DLEU7: variants seen among roughly 807,000 people sequenced by gnomAD.
DLEU7 encodes leukemia-associated protein 7.
In DLEU7, 17 loss-of-function variants were observed where a neutral mutation model predicts 16.0. The observed-to-expected ratio is 1.06, with a 90% CI of 0.73 to 1.59. DLEU7 has a LOEUF of 1.59. DLEU7 is among the 40% of genes most tolerant of loss of function. The pLI, the probability that DLEU7 is intolerant of heterozygous loss-of-function variation, is 0.00. For synonymous variants in DLEU7, 113 were observed against 139.8 expected, an observed-to-expected ratio of 0.81 and a Z score of 1.35; for missense variants, 308 against 314.9, an observed-to-expected ratio of 0.98 and a Z score of 0.17.
chr13:50,724,797 G>C (rs994541321), intron 1 of DLEU7, among the ~76,000 whole-genome samples: 3 of 152,138 alleles, frequency 2.0e-5, no homozygotes, highest in African/African-American at 7.2e-5. Flanking sequence ...CCAAACTGCA[G>C]GAGCAGCCAC....
chr13:50,781,645 T>C (rs939206435), intron 1 of DLEU7, among the ~76,000 whole-genome samples: 1 of 152,172 alleles, frequency 6.6e-6, no homozygotes, highest in Non-Finnish European at 1.5e-5. Context: ...CTCCTTATCA[T>C]CTGTGGCATA....
At chr13:50,826,240 G>A (rs1165181042) in intron 1 of DLEU7, among the ~76,000 whole-genome samples, 1 of 152,116 alleles carries the variant, frequency 6.6e-6, no homozygotes, top group African/African-American at 2.4e-5. Context: ...CCTACTGTGC[G>A]GTGTGGTTCC....
At chr13:50,752,051 T>C (rs934734132) in intron 1 of DLEU7, among the ~76,000 whole-genome samples, 6 of 110,556 alleles carry the variant, frequency 5.4e-5, no homozygotes, top group African/African-American at 3.1e-4. Flanking sequence ...GCTCTTTCAG[T>C]CTTTTTTTTT....
At chr13:50,799,602 C>T (rs1876194264) in intron 1 of DLEU7, among the ~76,000 whole-genome samples, 1 of 152,166 alleles carries the variant, frequency 6.6e-6, no homozygotes. Context: ...GTTTCCATTC[C>T]TAGTTGCTAC....
At chr13:50,836,926 A>C (rs769639449) in intron 1 of DLEU7, among the ~76,000 whole-genome samples, 1 of 152,218 alleles carries the variant, frequency 6.6e-6, no homozygotes, top group Non-Finnish European at 1.5e-5. Context: ...TGTGGAAAAC[A>C]TACTATCATG....
chr13:50,835,949 T>G (rs1310932517), intron 1 of DLEU7, among the ~76,000 whole-genome samples: 3 of 152,228 alleles, frequency 2.0e-5, no homozygotes, highest in African/African-American at 7.2e-5. Flanking sequence ...AAGCCTGTTT[T>G]CTGAAACCAA....
intron 1 of DLEU7, among the ~76,000 whole-genome samples, chr13:50,739,752 A>G (rs1010876687): frequency 6.6e-6 from 1 of 152,234 alleles, no homozygotes; most frequent in South Asian, 2.1e-4. Flanking sequence ...CACAACACCA[A>G]AGAGACCAAA....
At chr13:50,737,014 A>C (rs1268002061) in intron 1 of DLEU7, among the ~76,000 whole-genome samples, 1 of 152,186 alleles carries the variant, frequency 6.6e-6, no homozygotes, top group Non-Finnish European at 1.5e-5. Flanking sequence ...TTTTCCACGT[A>C]GTTTCACAGG....
At chr13:50,715,386 G>A (rs1873412753) in intron 1 of DLEU7, 3 of 152,276 alleles carry the variant, frequency 2.0e-5, no homozygotes, top group African/African-American at 7.2e-5. Context: ...GGACATCTTT[G>A]GTGGGGGCCT....
At chr13:50,806,232 T>C (rs956006239) in intron 1 of DLEU7, among the ~76,000 whole-genome samples, 4 of 152,190 alleles carry the variant, frequency 2.6e-5, no homozygotes, top group African/African-American at 7.2e-5. Flanking sequence ...GGTTGGTTTT[T>C]CTGAGATATG....
At chr13:50,799,942 G>A (rs551404242) in intron 1 of DLEU7, among the ~76,000 whole-genome samples, 1 of 152,214 alleles carries the variant, frequency 6.6e-6, no homozygotes, top group Non-Finnish European at 1.5e-5. Context: ...ACATATATGT[G>A]TGTAGACACT....
At position 50,742,858 on chromosome 13, in the gene DLEU7, C is replaced by A. The variant is rs144877896; in HGVS notation, c.460-29618G>T. ...AAACATAACTTACAAAAACAGGTGA[C>A]CCATGGGCTGAAGTTTGCTGACGTC... On this transcript the variant is annotated intron_variant, in intron 1 of 1. Coordinates refer to the DLEU7 transcript ENST00000400393. Among the ~76,000 whole-genome samples the A allele has an allele frequency of 4.4e-4, 67 of 152,208 alleles. No individual in the cohort carries two copies. The East Asian group carries it at 0.012, about 27-fold the overall frequency.
rs1876968075 is a variant in DLEU7, at chr13:50,823,168, C to G, written c.*146G>C. On this transcript the variant is annotated 3_prime_UTR_variant, in exon 2 of 2. Transcript: ENST00000504404. ...GCTATAATCCCGAAGGCTACAGATG[C>G]CACTGGTCAGACTGCTCCACGTACC... 11 of 1,438,592 alleles carry G rather than the reference C, an allele frequency of 7.6e-6. No individual in the cohort carries two copies. Among genetic ancestry groups the G allele is most frequent in the African/African-American group, 1.4e-5 (1 of 70,182 alleles). 89.1% of individuals were successfully genotyped at this position (1,438,592 alleles called of 1,614,324 possible).
intron 1 of DLEU7, chr13:50,808,462 A>G (rs959072377): frequency 6.6e-6 from 1 of 152,212 alleles, no homozygotes; most frequent in African/African-American, 2.4e-5. Context: ...TTCTAGAAGA[A>G]ATGTACTTGA....
Position 50,843,098 on chromosome 13 carries a change from C to T in DLEU7, c.459+90G>A. ...GTGGGCAGCAGTGTTTGGGATCCTG[C>T]GATCCACCCATCGCCATCCCAGCAG... On this transcript the variant is annotated intron_variant, in intron 1 of 1. Coordinates refer to ENST00000504404, the MANE Select transcript of DLEU7 (RefSeq NM_001306135.2). This position sits in a 1 kb window ranked among gnomAD's most constrained non-coding sequence, Gnocchi z 5.7. 2.4e-6 allele frequency: 3 copies of T among 1,255,180 alleles called. No homozygotes were observed. The highest frequency in any genetic ancestry group is 3.2e-6 in the Non-Finnish European group (3 of 932,380). 77.8% of individuals were successfully genotyped at this position (1,255,180 alleles called of 1,614,324 possible). A position where few individuals can be genotyped will look rare whatever the true frequency, so the allele number is the denominator to read the frequency against.
intron 1 of DLEU7, among the ~76,000 whole-genome samples, chr13:50,777,520 C>T (rs1014222176): frequency 6.6e-6 from 1 of 152,136 alleles, no homozygotes; most frequent in Admixed American, 6.5e-5. Context: ...TTGTAGACAG[C>T]CTGTTGTGGA....
At chr13:50,714,187 C>T (rs141425993) in intron 1 of DLEU7, among the ~76,000 whole-genome samples, 329 of 152,316 alleles carry the variant, frequency 2.2e-3, no homozygotes, top group African/African-American at 7.5e-3. Flanking sequence ...AACACAAACT[C>T]CCTTCTCACC....
intron 1 of DLEU7, among the ~76,000 whole-genome samples, chr13:50,714,649 G>A (rs1873389037): frequency 6.6e-6 from 1 of 152,052 alleles, no homozygotes; most frequent in Non-Finnish European, 1.5e-5. Context: ...AATTAATGAG[G>A]ACGGCAAGGA....
At chr13:50,735,060 G>A (rs989736119) in intron 1 of DLEU7, among the ~76,000 whole-genome samples, 1 of 152,034 alleles carries the variant, frequency 6.6e-6, no homozygotes, top group African/African-American at 2.4e-5. Flanking sequence ...AGTAAAAAGG[G>A]ACATTTCATA....
Sources: gnomAD v4.1 joint callset for allele counts (sites outside exome capture counted in the v4.1 genomes callset) on GRCh38, gnomAD v4.1.1 for gene constraint, Gnocchi (gnomAD v3.1) non-coding constraint, MANE v1.5 for transcripts, NCBI Gene and HGNC (gene_info 2026-07-23, HGNC 2026-07-21) for gene names.